CACNB2: variants seen among roughly 807,000 people sequenced by gnomAD.
CACNB2 encodes the protein voltage-dependent L-type calcium channel subunit beta-2.
Under a neutral mutation model 73.3 loss-of-function variants are expected in CACNB2, and 42 were observed. That is an observed-to-expected ratio of 0.57 (90% CI 0.45 to 0.74). The LOEUF (loss-of-function observed/expected upper bound fraction) is 0.74. CACNB2 is among the 30% of genes least tolerant of loss of function. The pLI is 0.00. For missense variants in CACNB2, 940 were observed against 853.0 expected, an observed-to-expected ratio of 1.10 and a Z score of -1.27; for synonymous variants, 348 against 310.3, an observed-to-expected ratio of 1.12 and a Z score of -1.28.
chr10:18,417,445 T>G (rs958984669), intron 3 of CACNB2, among the ~76,000 whole-genome samples: 30 of 144,394 alleles, frequency 2.1e-4, no homozygotes, highest in Non-Finnish European at 4.0e-4. Flanking sequence ...CTCGGCTCAC[T>G]GCATCCTCTG....
At chr10:18,172,924 C>CTTTTTTTTTTTTTTTTTTTTTTTTTTTTT (rs58345605) in intron 2 of CACNB2, among the ~76,000 whole-genome samples, 1 of 117,472 alleles carries the variant, frequency 8.5e-6, no homozygotes, top group African/African-American at 3.3e-5. Flanking sequence ...ATAATAAGGC[C>CTTTTTTTTTTTTTTTTTTTTTTTTTTTTT]TTTTTTTTTT....
intron 2 of CACNB2, among the ~76,000 whole-genome samples, chr10:18,282,805 A>G (rs1426629390): frequency 6.6e-6 from 1 of 152,156 alleles, no homozygotes; most frequent in Non-Finnish European, 1.5e-5. Flanking sequence ...TTTAGAAAGG[A>G]AAGAGGTTGT....
Position 18,518,323 on chromosome 10 carries a change from C to CCT in CACNB2, c.805-6_805-5dup, listed in dbSNP as rs1564643021. ...GCCTGTGAAACGTCTAAAAGCCTCT[C>CCT]CTCTCTCTGCAGACAGAGCACACTC... On this transcript the variant is annotated splice_polypyrimidine_tract_variant and intron_variant, in intron 7 of 13. Coordinates refer to ENST00000324631, the MANE Select transcript of CACNB2 (RefSeq NM_201596.3). 1 of 1,597,084 alleles carries CCT rather than the reference C, an allele frequency of 6.3e-7. No homozygotes were observed. The highest frequency in any genetic ancestry group is 2.2e-5 in the East Asian group (1 of 44,798).
At chr10:18,480,475 G>A (rs973507054) in intron 3 of CACNB2, among the ~76,000 whole-genome samples, 2 of 152,160 alleles carry the variant, frequency 1.3e-5, no homozygotes, top group Non-Finnish European at 2.9e-5. Context: ...CTAGTCCAAC[G>A]TGTTTCTCTC....
intron 2 of CACNB2, among the ~76,000 whole-genome samples, chr10:18,336,608 G>A (rs2041017234): frequency 6.9e-6 from 1 of 145,842 alleles, no homozygotes; most frequent in Admixed American, 6.9e-5. Context: ...AACAGAGAGA[G>A]AGACTCCATC....
intron 5 of CACNB2, among the ~76,000 whole-genome samples, chr10:18,501,812 G>T (rs976090274): frequency 1.3e-5 from 2 of 152,152 alleles, no homozygotes; most frequent in Non-Finnish European, 2.9e-5. Flanking sequence ...GCAGATGAGT[G>T]AAACAGAATA....
At chr10:18,162,360 C>T (rs184402279) in intron 2 of CACNB2, among the ~76,000 whole-genome samples, 126 of 152,112 alleles carry the variant, frequency 8.3e-4, no homozygotes, top group Non-Finnish European at 1.5e-3. Context: ...GAATGCCCTG[C>T]TGTGGAATTA....
chr10:18,197,898 T>G (rs2034696965), intron 2 of CACNB2, among the ~76,000 whole-genome samples: 1 of 148,778 alleles, frequency 6.7e-6, no homozygotes, highest in African/African-American at 2.4e-5. Context: ...ATTTATATAT[T>G]TTATAAATTA....
intron 3 of CACNB2, among the ~76,000 whole-genome samples, chr10:18,481,526 C>T (rs1264377304): frequency 1.3e-5 from 2 of 151,598 alleles, no homozygotes; most frequent in African/African-American, 4.8e-5. Context: ...GGATTACAGA[C>T]GTGAGCCACC....
In CACNB2 at chr10:18,442,921, T is replaced by C. The variant is rs1589369988; in HGVS notation, c.333+40878T>C. On this transcript the variant is annotated intron_variant, in intron 3 of 13. Coordinates refer to ENST00000324631, the MANE Select transcript of CACNB2 (RefSeq NM_201596.3). ...TACATGTAAAAACAATATATATATA[T>C]ATATGTATATATATATATATGTGTA... 3.4e-5 allele frequency among the ~76,000 whole-genome samples: 3 copies of C among 88,784 alleles called. 1 individual carries two copies. In the East Asian group the frequency reaches 1.4e-3, roughly 42 times the overall value. The allele number at this position is 88,784 out of a possible 152,430, so 58.2% of individuals were successfully genotyped here.
intron 2 of CACNB2, among the ~76,000 whole-genome samples, chr10:18,272,205 T>C (rs1295882): frequency 0.85 from 128,616 of 152,050 alleles, 54,791 homozygotes; most frequent in African/African-American, 0.96. Flanking sequence ...TGGATCACAA[T>C]CTTTTTTCTA....
At chr10:18,157,023 T>C (rs1183039142) in intron 2 of CACNB2, among the ~76,000 whole-genome samples, 3 of 151,236 alleles carry the variant, frequency 2.0e-5, no homozygotes, top group Admixed American at 1.3e-4. Flanking sequence ...GATTGCGCCA[T>C]TGCACTCCTG....
chr10:18,347,113 A>G (rs1414241872), intron 2 of CACNB2, among the ~76,000 whole-genome samples: 1 of 152,146 alleles, frequency 6.6e-6, no homozygotes, highest in African/African-American at 2.4e-5. Context: ...TTGATTTGAA[A>G]ACATGATAGG....
intron 2 of CACNB2, among the ~76,000 whole-genome samples, chr10:18,183,924 C>T (rs1298616443): frequency 1.3e-5 from 2 of 152,166 alleles, no homozygotes; most frequent in African/African-American, 4.8e-5. Flanking sequence ...AGGAGAGTTA[C>T]TGAATTGTTC....
At chr10:18,340,778 T>A (rs186962230) in intron 2 of CACNB2, 3 of 1,572,642 alleles carry the variant, frequency 1.9e-6, no homozygotes, top group Admixed American at 1.8e-5. Context: ...TAACTAAGAC[T>A]ACACACCCCA....
chr10:18,190,379 C>G (rs889664246), intron 2 of CACNB2, among the ~76,000 whole-genome samples: 11 of 152,150 alleles, frequency 7.2e-5, no homozygotes, highest in African/African-American at 2.7e-4. Flanking sequence ...CAGTCCCCCA[C>G]CTGTCATGTA....
intron 2 of CACNB2, among the ~76,000 whole-genome samples, chr10:18,355,739 C>CA (rs112367021): frequency 0.014 from 2,078 of 151,462 alleles, 52 homozygotes; most frequent in African/African-American, 0.047. Flanking sequence ...TGGGTTCAAG[C>CA]AATTCTCTGC....
At position 18,536,092 on chromosome 10, in the gene CACNB2, CT is replaced by C. The variant is rs1564669639; in HGVS notation, c.1207-5del. 2.6e-6 allele frequency: 4 copies of C among 1,544,696 alleles called. No homozygotes were observed. Among genetic ancestry groups the C allele is most frequent in the Non-Finnish European group, 3.6e-6 (4 of 1,117,398 alleles). On this transcript the variant is annotated splice_region_variant and splice_polypyrimidine_tract_variant and intron_variant, in intron 11 of 13. Coordinates refer to ENST00000324631, the MANE Select transcript of CACNB2 (RefSeq NM_201596.3). ...TATTACTCTGTTAAAAACTCATTAT[CT>C]TTTACAGGTTTTACAAAGGTTAATA...
At chr10:18,467,151 G>GTT (rs1029820618) in intron 3 of CACNB2, among the ~76,000 whole-genome samples, 1 of 152,098 alleles carries the variant, frequency 6.6e-6, no homozygotes, top group African/African-American at 2.4e-5. Flanking sequence ...AAGACTCTGT[G>GTT]TTTGTTAAAT....
Sources: allele counts gnomAD v4.1 joint callset (sites outside exome capture counted in the v4.1 genomes callset), GRCh38; gene constraint gnomAD v4.1.1; transcripts MANE v1.5; gene names NCBI Gene and HGNC (gene_info 2026-07-23, HGNC 2026-07-21).